The following LBP variants were observed in gnomAD, a reference collection of about 807,000 sequenced individuals.
LBP encodes the protein lipopolysaccharide-binding protein.
A neutral mutation model predicts 56.6 loss-of-function variants in LBP; 53 were observed. That is an observed-to-expected ratio of 0.94 (90% CI 0.75 to 1.18). The LOEUF (loss-of-function observed/expected upper bound fraction) is 1.18. LBP is among the 50% of genes most tolerant of loss of function. The pLI is 0.00. For missense variants in LBP, 601 were observed against 598.3 expected (o/e 1.00, Z -0.05); for synonymous variants, 227 against 247.5 (o/e 0.92, Z 0.78).
intron 2 of LBP, among the ~76,000 whole-genome samples, 189 bp downstream of exon 2, chr20:38,349,851 C>A (rs530140584): frequency 3.3e-5 from 5 of 152,240 alleles, no homozygotes; most frequent in South Asian, 2.1e-4. Context: ...CACTCAGTCA[C>A]GCAGCAAATA....
At chr20:38,348,824 C>T (rs6099236) in intron 1 of LBP, among the ~76,000 whole-genome samples, 1 of 150,752 alleles carries the variant, frequency 6.6e-6, no homozygotes, top group African/African-American at 2.5e-5. Flanking sequence ...GACAGAGTCT[C>T]ACTCTGTCGC....
intron 12 of LBP, 39 bp downstream of exon 12, chr20:38,371,361 T>C: frequency 6.8e-7 from 1 of 1,463,196 alleles, no homozygotes; most frequent in South Asian, 1.2e-5. Flanking sequence ...AGAATGTTAA[T>C]TAATTTGGGG....
chr20:38,376,494 C>T, intron 14 of LBP, 131 bp from the exon 15 acceptor site: 1 of 807,838 alleles, frequency 1.2e-6, no homozygotes, highest in South Asian at 1.5e-5. Context: ...GGCACACTCG[C>T]AATTTATGCA....
rs2076874858 is a variant in LBP, at chr20:38,364,757, G to A, written c.921+5G>A. The stretch of plus-strand genomic sequence containing the variant: ...TTCTCCATCACAGATGACATGGTGA[G>A]GATGGTGGCAAACAGGTCTCTCAAA... On this transcript the variant is annotated splice_donor_5th_base_variant and intron_variant, in intron 8 of 14. Transcript: ENST00000217407. 6.2e-7 allele frequency: 1 copy of A among 1,601,204 alleles called. No homozygotes were observed. Among genetic ancestry groups the A allele is most frequent in the Non-Finnish European group, 8.5e-7 (1 of 1,173,354 alleles).
At position 38,371,430 on chromosome 20, in the gene LBP, ATTT is replaced by A. The variant is rs912805632; in HGVS notation, c.1260+112_1260+114del. ...AGGAAATACAAAAGGAGAAGAGTTG[ATTT>A]TTTGCCCTGCAGAAGTGTAAAAGGT... On this transcript the variant is annotated intron_variant, in intron 12 of 14. Transcript: ENST00000217407. 57 of 861,642 alleles carry A rather than the reference ATTT, an allele frequency of 6.6e-5. No homozygotes were observed. The East Asian group carries it at 1.5e-3, about 23-fold the overall frequency. The allele number at this position is 861,642 out of a possible 1,614,324, so 53.4% of individuals were successfully genotyped here. A position where few individuals can be genotyped will look rare whatever the true frequency, so the allele number is the denominator to read the frequency against.
chr20:38,348,947 C>T (rs2076811006), intron 1 of LBP, among the ~76,000 whole-genome samples: 1 of 152,112 alleles, frequency 6.6e-6, no homozygotes, highest in South Asian at 2.1e-4. Flanking sequence ...GTGCCTGCCA[C>T]CATGCCCGGC....
At position 38,354,378 on chromosome 20, in the gene LBP, A is replaced by G. The variant is rs1348321500; in HGVS notation, c.463A>G (p.Thr155Ala). The change falls in exon 4 of 15, where the codon ACT becomes GCT. Residue 155 changes from threonine to alanine, a missense_variant. Physicochemically the swap from Thr to Ala is moderately conservative, Grantham distance 58 (BLOSUM62 0). Transcript: ENST00000217407. Reference protein sequence around the residue: ...GSESSGRPTVTASSCSSDIAD... With the variant: ...GSESSGRPTVAASSCSSDIAD... ...CGAGTCCTCCGGGAGGCCCACAGTTACTGCCTCCAGCTGCAGCAGTGACAT... is the reference window on the plus strand; with the variant it reads ...CGAGTCCTCCGGGAGGCCCACAGTTGCTGCCTCCAGCTGCAGCAGTGACAT... 6.2e-7 allele frequency: 1 copy of G among 1,613,570 alleles called. No individual in the cohort carries two copies. Among genetic ancestry groups the G allele is most frequent in the Non-Finnish European group, 8.5e-7 (1 of 1,179,900 alleles).
Position 38,371,161 on chromosome 20 carries a change from C to G in LBP, c.1218-119C>G, listed in dbSNP as rs2076899368. The G allele has an allele frequency of 1.2e-5, 9 of 729,982 alleles. No individual in the cohort carries two copies. The South Asian group carries it at 1.4e-4, about 11-fold the overall frequency. The allele number at this position is 729,982 out of a possible 1,614,324, so 45.2% of individuals were successfully genotyped here. On this transcript the variant is annotated intron_variant, in intron 11 of 14. Transcript: ENST00000217407. ...CTCAGTCATCTTTTCCACTCCTGCTCCCGCCCTACCTTTGGCCCTGTGCCT... is the reference window on the plus strand; with the variant it reads ...CTCAGTCATCTTTTCCACTCCTGCTGCCGCCCTACCTTTGGCCCTGTGCCT...
At chr20:38,361,630 C>T (rs1462464524) in intron 6 of LBP, among the ~76,000 whole-genome samples, 2 of 151,962 alleles carry the variant, frequency 1.3e-5, no homozygotes, top group African/African-American at 2.4e-5. Context: ...GTCTCGAACT[C>T]CTGGGCTCAA....
intron 6 of LBP, among the ~76,000 whole-genome samples, 164 bp from the exon 7 acceptor site, chr20:38,363,811 A>G (rs535828737): frequency 6.6e-6 from 1 of 152,272 alleles, no homozygotes; most frequent in South Asian, 2.1e-4. Context: ...AAGGGAATCC[A>G]TGTAGTGTCT....
chr20:38,355,242 A>G (rs1439893050), intron 4 of LBP, 104 bp from the exon 5 acceptor site: 2 of 994,870 alleles, frequency 2.0e-6, no homozygotes, highest in Non-Finnish European at 3.2e-6. Flanking sequence ...GAAGGGGTGG[A>G]GAGGGCTCCC....
At chr20:38,349,719 A>T in intron 2 of LBP, 57 bp downstream of exon 2, 1 of 1,254,862 alleles carries the variant, frequency 8.0e-7, no homozygotes, top group Non-Finnish European at 1.1e-6. Context: ...TGTCAGGGGG[A>T]ATTGGAGAGT....
rs372872559 is a variant in LBP, at chr20:38,352,704, A to G, written c.369-1580A>G. On this transcript the variant is annotated intron_variant, in intron 3 of 14. Coordinates refer to ENST00000217407, the MANE Select transcript of LBP (RefSeq NM_004139.5). ...TGGGAGGCGGAGGTTGCGGTGAGCC[A>G]AGATCACGCCACTGCACTCCAGTCT... 2.9e-4 allele frequency among the ~76,000 whole-genome samples: 44 copies of G among 152,270 alleles called. 1 individual carries two copies. The South Asian group carries it at 8.9e-3, about 31-fold the overall frequency.
chr20:38,366,792 A>G lies in LBP; in HGVS notation c.945A>G (p.Arg315=). 6.2e-7 allele frequency: 1 copy of G among 1,614,064 alleles called. No homozygotes were observed. Among genetic ancestry groups the G allele is most frequent in the Non-Finnish European group, 8.5e-7 (1 of 1,180,014 alleles). Residue 315 remains arginine (R), a synonymous_variant, in exon 9 of 15, where the codon CGA becomes CGG. Transcript: ENST00000217407. ...DDMIPPDSNI[R]LTTKSFRPFV... is the part of the protein sequence containing the mutation. Reference sequence around the variant, plus strand: ...AGATACCGCCTGACTCTAATATCCGACTGACCACCAAGTCCTTCCGACCCT... The same window carrying G: ...AGATACCGCCTGACTCTAATATCCGGCTGACCACCAAGTCCTTCCGACCCT...
Position 38,350,952 on chromosome 20 carries a change from T to C in LBP, c.368+13T>C, listed in dbSNP as rs377220936. ...GCAAGTCATTCTTGTAAGTTGGCTCTGCTCCCAGGCCCTGGAGCTCTTGGC... is the reference window on the plus strand; with the variant it reads ...GCAAGTCATTCTTGTAAGTTGGCTCCGCTCCCAGGCCCTGGAGCTCTTGGC... On this transcript the variant is annotated intron_variant, in intron 3 of 14. Coordinates refer to ENST00000217407, the MANE Select transcript of LBP (RefSeq NM_004139.5). The C allele has an allele frequency of 4.0e-5, 65 of 1,612,052 alleles. No homozygotes were observed. The African/African-American group carries it at 8.1e-4, about 20-fold the overall frequency.
intron 5 of LBP, among the ~76,000 whole-genome samples, chr20:38,360,245 G>C (rs1379590497): frequency 6.9e-6 from 1 of 144,148 alleles, no homozygotes; most frequent in African/African-American, 2.5e-5. Context: ...GGCCAACAGG[G>C]CGAGACTCCA....
Position 38,369,097 on chromosome 20 carries a change from A to G in LBP, c.1084A>G (p.Met362Val), listed in dbSNP as rs1408994981. 14 of 1,613,984 alleles carry G rather than the reference A, an allele frequency of 8.7e-6. No individual in the cohort carries two copies. The South Asian group carries it at 8.8e-5, about 10-fold the overall frequency. Residue 362 changes from methionine to valine, a missense_variant, in exon 10 of 15, where the codon ATG (methionine) becomes GTG (valine). Transcript: ENST00000217407. ...TGGGAATCTGTCTGTGGACCCCTAT[A>G]TGGAGATAGATGCCTTTGTGCTCCT... The part of the protein sequence containing the change: ...SPGNLSVDPY[M>V]EIDAFVLLPS...
chr20:38,366,689 C>A, intron 8 of LBP, 80 bp from the exon 9 acceptor site: 7 of 1,295,066 alleles, frequency 5.4e-6, no homozygotes, highest in South Asian at 2.4e-5. Context: ...TCTTGCACAT[C>A]CCCCTGTCTC....
chr20:38,376,929 T>C lies in LBP; in HGVS notation c.*260T>C, dbSNP rs1441806656. ...GGGATATCTTTACAAGCAGGCACTG[T>C]ATTTTTTTATTCGCCATCTGATCCC... On this transcript the variant is annotated 3_prime_UTR_variant, in exon 15 of 15. Transcript: ENST00000217407. 1 of 630,354 alleles carries C rather than the reference T, an allele frequency of 1.6e-6. No homozygotes were observed. The highest frequency in any genetic ancestry group is 2.1e-5 in the Admixed American group (1 of 47,690). 39.0% of individuals were successfully genotyped at this position (630,354 alleles called of 1,614,324 possible). A position where few individuals can be genotyped will look rare whatever the true frequency, so the allele number is the denominator to read the frequency against.
Sources: allele counts gnomAD v4.1 joint callset (sites outside exome capture counted in the v4.1 genomes callset), GRCh38; gene constraint gnomAD v4.1.1; transcripts MANE v1.5; gene names NCBI Gene and HGNC (gene_info 2026-07-23, HGNC 2026-07-21).